Variants in ARNT observed in about 807,000 individuals in gnomAD.
The protein encoded by ARNT is class E basic helix-loop-helix protein 2.
Under a neutral mutation model 105.0 loss-of-function variants are expected in ARNT, and 30 were observed. That is an observed-to-expected ratio of 0.29 (90% CI 0.21 to 0.39). The LOEUF (loss-of-function observed/expected upper bound fraction) is 0.39. ARNT is among the 10% of genes least tolerant of loss of function. ARNT has a pLI of 1.00. For synonymous variants in ARNT, 304 were observed against 344.0 expected, an observed-to-expected ratio of 0.88 and a Z score of 1.29; for missense variants, 748 against 978.7, an observed-to-expected ratio of 0.76 and a Z score of 3.15.
intron 13 of ARNT, among the ~76,000 whole-genome samples, 170 bp from the exon 14 acceptor site, chr1:150,823,515 G>A (rs587617348): frequency 6.6e-6 from 1 of 151,662 alleles, no homozygotes; most frequent in Non-Finnish European, 1.5e-5. Context: ...ATTAAACATG[G>A]AAGCATATTT....
At position 150,811,411 on chromosome 1, in the gene ARNT, A is replaced by G. The variant is rs761782155; in HGVS notation, c.*610T>C. On this transcript the variant is annotated 3_prime_UTR_variant, in exon 22 of 22. Coordinates refer to ENST00000358595, the MANE Select transcript of ARNT (RefSeq NM_001668.4). ...AGGTAAAATCGGGGACAAATTTTGC[A>G]TAACTCCCTAATAGGGAGAAAGAGT... 1.3e-5 allele frequency: 3 copies of G among 233,430 alleles called. No homozygotes were observed. Among genetic ancestry groups the G allele is most frequent in the Admixed American group, 1.1e-4 (2 of 17,736 alleles). The allele number at this position is 233,430 out of a possible 1,614,324, so 14.5% of individuals were successfully genotyped here.
At chr1:150,860,369 C>T (rs1571465938) in intron 1 of ARNT, among the ~76,000 whole-genome samples, 2 of 151,486 alleles carry the variant, frequency 1.3e-5, no homozygotes, top group African/African-American at 4.8e-5. Context: ...GCACGCACCA[C>T]CACGCCTGGC....
chr1:150,848,795 G>C (rs972765412), intron 3 of ARNT, among the ~76,000 whole-genome samples: 1 of 152,122 alleles, frequency 6.6e-6, no homozygotes, highest in Non-Finnish European at 1.5e-5. Flanking sequence ...GCCTCCTAAA[G>C]TGCTGGGATT....
chr1:150,847,425 CAAAAAAAAAA>C (rs587697329), intron 3 of ARNT, among the ~76,000 whole-genome samples: 2 of 91,750 alleles, frequency 2.2e-5, no homozygotes, highest in African/African-American at 4.5e-5. Context: ...GACTCCGTCT[CAAAAAAAAAA>C]AAAAAAAAAA....
At chr1:150,830,870 C>T (rs1327674508) in intron 10 of ARNT, among the ~76,000 whole-genome samples, 3 of 152,186 alleles carry the variant, frequency 2.0e-5, no homozygotes, top group Admixed American at 2.0e-4. Flanking sequence ...CATACTTTAA[C>T]TGTGTGGCTT....
At chr1:150,824,779 T>TA (rs1458741990) in intron 13 of ARNT, among the ~76,000 whole-genome samples, 1 of 152,152 alleles carries the variant, frequency 6.6e-6, no homozygotes, top group Non-Finnish European at 1.5e-5. Flanking sequence ...TCACAGCATC[T>TA]ACAGAGGTTT....
intron 3 of ARNT, among the ~76,000 whole-genome samples, chr1:150,850,426 C>T (rs1285771790): frequency 1.1e-4 from 17 of 152,222 alleles, no homozygotes; most frequent in Admixed American, 5.9e-4. Flanking sequence ...CGATTGCAGT[C>T]GCGCGCCGCC....
chr1:150,869,068 G>A (rs1437424975), intron 1 of ARNT, among the ~76,000 whole-genome samples: 1 of 152,096 alleles, frequency 6.6e-6, no homozygotes, highest in African/African-American at 2.4e-5. Flanking sequence ...TGGAGGTGTT[G>A]CAGGAAGCTA....
rs1260645411 is a variant in ARNT at position 150,813,221 on chromosome 1, T to C, written c.2231A>G (p.His744Arg). 1.9e-6 allele frequency: 3 copies of C among 1,613,676 alleles called. No homozygotes were observed. The highest frequency in any genetic ancestry group is 2.7e-5 in the African/African-American group (2 of 74,914). Reference sequence around the variant, plus strand: ...TTGCTGTGCTGGCGGTTGTTGAACATGTTGCTCACTAGAACTTGAACGATG... The same window carrying C: ...TTGCTGTGCTGGCGGTTGTTGAACACGTTGCTCACTAGAACTTGAACGATG... ...PHHRSSSSEQ[H>R]VQQPPAQQPG... is the part of the protein sequence containing the mutation. Residue 744 changes from histidine (H) to arginine (R), a missense_variant, in exon 21 of 22, where the codon CAT (histidine) becomes CGT (arginine). Coordinates refer to ENST00000358595, the MANE Select transcript of ARNT (RefSeq NM_001668.4).
At chr1:150,843,931 T>TCTA (rs772714484) in intron 4 of ARNT, among the ~76,000 whole-genome samples, 79 of 152,148 alleles carry the variant, frequency 5.2e-4, no homozygotes, top group East Asian at 2.5e-3. Context: ...AATTCCTATT[T>TCTA]CTACTACTAC....
chr1:150,848,440 G>C (rs1662670256), intron 3 of ARNT, among the ~76,000 whole-genome samples: 1 of 145,420 alleles, frequency 6.9e-6, no homozygotes, highest in South Asian at 2.3e-4. Context: ...TGGGCAACAA[G>C]AGCGAGACTC....
Position 150,810,043 on chromosome 1 carries a change from G to C in ARNT, c.*1978C>G, listed in dbSNP as rs587695371. The C allele has an allele frequency of 5.2e-5, 12 of 229,016 alleles. No individual in the cohort carries two copies. Among genetic ancestry groups the C allele is most frequent in the East Asian group, 3.1e-4 (5 of 16,120 alleles). 14.2% of individuals were successfully genotyped at this position (229,016 alleles called of 1,614,324 possible). On this transcript the variant is annotated 3_prime_UTR_variant, in exon 22 of 22. Coordinates refer to ENST00000358595, the MANE Select transcript of ARNT (RefSeq NM_001668.4). ...CTGGTTGTGGGTGCCTGTTGTTTAT[G>C]AACTGGAAAGGAATGATAAAGCCGC... is the stretch of plus-strand genomic sequence containing the variant.
At chr1:150,863,844 G>A (rs781046454) in intron 1 of ARNT, among the ~76,000 whole-genome samples, 2 of 151,770 alleles carry the variant, frequency 1.3e-5, no homozygotes, top group African/African-American at 4.8e-5. Flanking sequence ...AGAAGAAAAA[G>A]GCATTCCACA....
chr1:150,860,428 C>A (rs1665420176), intron 1 of ARNT, among the ~76,000 whole-genome samples: 1 of 150,984 alleles, frequency 6.6e-6, no homozygotes, highest in African/African-American at 2.4e-5. Context: ...GTTGGCCAGG[C>A]TGGTCTTTAA....
At chr1:150,817,227 A>AC (rs779899537) in intron 16 of ARNT, 25 bp from the exon 17 acceptor site, 26 of 1,613,450 alleles carry the variant, frequency 1.6e-5, no homozygotes, top group Non-Finnish European at 2.1e-5. Flanking sequence ...GATAAAAATA[A>AC]CCATTAAAGA....
At chr1:150,865,750 C>T (rs1056263196) in intron 1 of ARNT, among the ~76,000 whole-genome samples, 4 of 152,182 alleles carry the variant, frequency 2.6e-5, no homozygotes, top group Admixed American at 2.6e-4. Flanking sequence ...CTACATGCTT[C>T]ATTTTTCTTC....
chr1:150,858,316 G>C (rs1423558591), intron 2 of ARNT, 33 bp downstream of exon 2: 1 of 1,512,162 alleles, frequency 6.6e-7, no homozygotes, highest in Admixed American at 1.8e-5. Flanking sequence ...GTTTATAGGA[G>C]AGATATTCAT....
In ARNT at chr1:150,842,386, C is replaced by G. The variant is rs369693779; in HGVS notation, c.272+38G>C. 5.6e-6 allele frequency: 9 copies of G among 1,599,362 alleles called. No homozygotes were observed. The African/African-American group carries it at 1.2e-4, about 22-fold the overall frequency. On this transcript the variant is annotated intron_variant, in intron 5 of 21. Transcript: ENST00000358595. ...AGAAAAAGGATAGAAAAAGCAGCAT[C>G]ATCTGCTTCATCATGCTAAAAGACA...
Position 150,817,123 on chromosome 1 carries a change from C to T in ARNT, c.1658G>A (p.Arg553Lys), listed in dbSNP as rs777161444. 1.2e-6 allele frequency: 2 copies of T among 1,614,052 alleles called. No homozygotes were observed. Among genetic ancestry groups the T allele is most frequent in the African/African-American group, 2.7e-5 (2 of 74,914 alleles). Residue 553 changes from arginine (R) to lysine (K), a missense_variant, in exon 17 of 22, where the codon AGA becomes AAA. This residue lies in a region of ARNT where 360 missense variants were observed against 411.9 expected (regional missense o/e 0.87). Coordinates refer to ENST00000358595, the MANE Select transcript of ARNT (RefSeq NM_001668.4). ...EKSDGLFAQD[R>K]DPRFSEIYHN... ...ATAGATTTCTGAAAATCTTGGATCT[C>T]TATCCTGGGCAAATAAACCATCTGA...
Sources: allele counts gnomAD v4.1 joint callset (sites outside exome capture counted in the v4.1 genomes callset), GRCh38; gene constraint gnomAD v4.1.1; regional missense constraint gnomAD v4.1.1; transcripts MANE v1.5; gene names NCBI Gene and HGNC (gene_info 2026-07-23, HGNC 2026-07-21).